Variants in MAST4 observed in about 807,000 individuals in gnomAD.
MAST4 encodes microtubule-associated serine/threonine-protein kinase 4.
MAST4 carries 89 observed loss-of-function variants against 162.7 expected under a neutral mutation model. The ratio of observed to expected loss-of-function variants is 0.55; its 90% CI spans 0.46 to 0.65. MAST4 has a LOEUF of 0.65. Ranked by LOEUF, MAST4 falls within the 30% of genes least tolerant of loss-of-function variation. The pLI, the probability that MAST4 is intolerant of heterozygous loss-of-function variation, is 0.00. For synonymous variants in MAST4, 1,479 were observed against 1,361.1 expected, an observed-to-expected ratio of 1.09 and a Z score of -1.91; for missense variants, 3,153 against 3,374.0, an observed-to-expected ratio of 0.93 and a Z score of 1.62.
intron 5 of MAST4, among the ~76,000 whole-genome samples, chr5:67,082,519 C>T (rs1762791428): frequency 6.6e-6 from 1 of 152,160 alleles, no homozygotes; most frequent in Admixed American, 6.5e-5. Context: ...CAGAGAGACA[C>T]AGCAACTAAA....
At chr5:66,705,584 A>G (rs1048497910) in intron 1 of MAST4, among the ~76,000 whole-genome samples, 4 of 152,216 alleles carry the variant, frequency 2.6e-5, no homozygotes, top group Non-Finnish European at 4.4e-5. Context: ...CTGTGAAATG[A>G]AAACCTAGTT....
intron 4 of MAST4, among the ~76,000 whole-genome samples, chr5:67,036,846 A>C (rs1271159037): frequency 6.6e-6 from 1 of 152,112 alleles, no homozygotes; most frequent in Non-Finnish European, 1.5e-5. Flanking sequence ...ATTTTCTCTT[A>C]TGTCTTTGTA....
chr5:66,745,491 A>C (rs1026986557), intron 1 of MAST4, among the ~76,000 whole-genome samples: 2 of 152,180 alleles, frequency 1.3e-5, no homozygotes. Flanking sequence ...CAATTAATCG[A>C]TCATCGATTA....
intron 1 of MAST4, among the ~76,000 whole-genome samples, chr5:66,631,174 A>T (rs1474220639): frequency 6.6e-6 from 1 of 152,186 alleles, no homozygotes; most frequent in East Asian, 1.9e-4. Flanking sequence ...AAAAAGAATG[A>T]ATAGGTTGTA....
chr5:66,934,618 A>G (rs966066917), intron 4 of MAST4, among the ~76,000 whole-genome samples: 5 of 152,120 alleles, frequency 3.3e-5, no homozygotes, highest in Admixed American at 2.0e-4. Flanking sequence ...AGACTGGCAT[A>G]GCATATACTA....
At chr5:66,981,045 A>G (rs1016503385) in intron 4 of MAST4, among the ~76,000 whole-genome samples, 2 of 152,178 alleles carry the variant, frequency 1.3e-5, no homozygotes, top group Middle Eastern at 3.2e-3. Flanking sequence ...TGAGACTCCA[A>G]AGCTCTGCAC....
chr5:67,160,651 C>T (rs1266590864), intron 27 of MAST4, 59 bp downstream of exon 27: 5 of 1,543,120 alleles, frequency 3.2e-6, no homozygotes, highest in Admixed American at 2.0e-5. Flanking sequence ...GGAAAAGTTA[C>T]CCCTTAATTA....
chr5:66,977,162 G>A (rs568827613), intron 4 of MAST4, among the ~76,000 whole-genome samples: 19 of 152,260 alleles, frequency 1.2e-4, no homozygotes, highest in Admixed American at 5.2e-4. Context: ...GTGCAATGGT[G>A]CGATCTCGGC....
At chr5:66,826,606 C>G (rs995317569) in intron 3 of MAST4, among the ~76,000 whole-genome samples, 1 of 151,882 alleles carries the variant, frequency 6.6e-6, no homozygotes, top group Non-Finnish European at 1.5e-5. Context: ...CTCCCACCAC[C>G]CCCCCCAATC....
intron 1 of MAST4, among the ~76,000 whole-genome samples, chr5:66,725,254 A>G (rs890114085): frequency 6.6e-6 from 1 of 152,166 alleles, no homozygotes; most frequent in Non-Finnish European, 1.5e-5. Context: ...TTGTTTACAA[A>G]TTTGTGTTTT....
intron 5 of MAST4, among the ~76,000 whole-genome samples, chr5:67,068,481 G>A (rs796530599): frequency 7.9e-5 from 12 of 152,252 alleles, no homozygotes; most frequent in African/African-American, 2.9e-4. Context: ...TCCCTATCAC[G>A]AGAATAGCAT....
intron 4 of MAST4, among the ~76,000 whole-genome samples, chr5:66,903,296 A>G (rs1763123649): frequency 6.6e-6 from 1 of 152,122 alleles, no homozygotes. Context: ...TATAGCCACT[A>G]TATTTTTGGT....
At chr5:67,017,408 G>T (rs1753433860) in intron 4 of MAST4, among the ~76,000 whole-genome samples, 1 of 152,144 alleles carries the variant, frequency 6.6e-6, no homozygotes, top group South Asian at 2.1e-4. Context: ...ACTCAGATGT[G>T]TACTGACACA....
intron 4 of MAST4, among the ~76,000 whole-genome samples, chr5:66,949,614 C>T (rs1196364049): frequency 1.3e-5 from 2 of 152,134 alleles, no homozygotes; most frequent in Non-Finnish European, 2.9e-5. Context: ...AGAGTGAGAA[C>T]AGACTAATAC....
At chr5:66,780,257 A>G (rs1754797898) in intron 2 of MAST4, among the ~76,000 whole-genome samples, 1 of 151,812 alleles carries the variant, frequency 6.6e-6, no homozygotes, top group Non-Finnish European at 1.5e-5. Flanking sequence ...CCACTGTTAC[A>G]CTTTCTATGA....
rs372911045 is a variant in MAST4, at chr5:67,166,985, C to T, written c.7806C>T (p.Asp2602=). The T allele has an allele frequency of 4.3e-6, 7 of 1,611,538 alleles. No individual in the cohort carries two copies. The highest frequency in any genetic ancestry group is 5.9e-6 in the Non-Finnish European group (7 of 1,179,354). ...DRPISLSNEK[D]FVVRQRRGKE... is the part of the protein sequence containing the mutation. ...CCATCTCTCTTTCTAATGAGAAGGA[C>T]TTTGTGGTACGGCAGAGGCGGGGGA... Residue 2602 remains aspartate, a synonymous_variant, in exon 29 of 29, where the codon GAC becomes GAT. Coordinates refer to ENST00000403625, the MANE Select transcript of MAST4 (RefSeq NM_001164664.2).
chr5:67,024,417 C>T (rs1456334310), intron 4 of MAST4, among the ~76,000 whole-genome samples: 2 of 150,722 alleles, frequency 1.3e-5, no homozygotes, highest in Admixed American at 1.3e-4. Flanking sequence ...CATACATAAT[C>T]GTGCAAGCAT....
At chr5:66,683,774 C>T (rs182950531) in intron 1 of MAST4, among the ~76,000 whole-genome samples, 2 of 152,298 alleles carry the variant, frequency 1.3e-5, no homozygotes, top group African/African-American at 2.4e-5. Flanking sequence ...GGGATCCATC[C>T]TCCAGCTTGC....
intron 5 of MAST4, among the ~76,000 whole-genome samples, chr5:67,078,848 TTATA>T (rs552369051): frequency 9.0e-6 from 1 of 111,154 alleles, no homozygotes; most frequent in African/African-American, 3.9e-5. Context: ...TTAAATATAT[TTATA>T]TATTTATATA....
Sources: allele counts gnomAD v4.1 joint callset (sites outside exome capture counted in the v4.1 genomes callset), GRCh38; gene constraint gnomAD v4.1.1; transcripts MANE v1.5; gene names NCBI Gene and HGNC (gene_info 2026-07-23, HGNC 2026-07-21).